The following MANF variants were observed in gnomAD, a reference collection of about 807,000 sequenced individuals.
MANF encodes the protein mesencephalic astrocyte-derived neurotrophic factor.
In MANF, 9 loss-of-function variants were observed where a neutral mutation model predicts 19.1. The ratio of observed to expected loss-of-function variants is 0.47; its 90% CI spans 0.28 to 0.82. MANF has a LOEUF of 0.82. Among genes scored for constraint, MANF ranks in the 40% least tolerant of loss-of-function variants. The probability of loss-of-function intolerance (pLI) is 0.10; values close to 1 mark genes in which losing one functional copy is unlikely to be tolerated. For synonymous variants in MANF, 89 were observed against 88.0 expected (o/e 1.01, Z -0.06); for missense variants, 225 against 226.7 (o/e 0.99, Z 0.05).
In MANF at chr3:51,386,604, G is replaced by A. The variant is rs557636720; in HGVS notation, c.222+269G>A. 3.3e-5 allele frequency among the ~76,000 whole-genome samples: 5 copies of A among 152,286 alleles called. No homozygotes were observed. The East Asian group carries it at 5.8e-4, about 18-fold the overall frequency. The stretch of plus-strand genomic sequence containing the variant: ...ATATCAGGGGAAAGAAGTGACAGTC[G>A]GACACACAAATAATGCAATGTCTGG... On this transcript the variant is annotated intron_variant, in intron 2 of 3. Transcript: ENST00000528157.
At chr3:51,385,799 C>A in intron 1 of MANF, 1 of 281,764 alleles carries the variant, frequency 3.5e-6, no homozygotes, top group East Asian at 6.4e-5. Context: ...CTGTTGGGAT[C>A]ACGAAGCTGC....
intron 2 of MANF, among the ~76,000 whole-genome samples, chr3:51,386,537 G>A (rs1180910662): frequency 1.3e-5 from 2 of 152,134 alleles, no homozygotes; most frequent in East Asian, 3.8e-4. Context: ...TTTTTATCCT[G>A]TTAGTCTTTA....
At chr3:51,386,026 C>T in intron 1 of MANF, 182 bp from the exon 2 acceptor site, 1 of 613,714 alleles carries the variant, frequency 1.6e-6, no homozygotes. Flanking sequence ...TACCAGGGGA[C>T]CCCCGCCACT....
chr3:51,388,161 CAGAG>C (rs1442263036), intron 3 of MANF, among the ~76,000 whole-genome samples: 3 of 152,168 alleles, frequency 2.0e-5, no homozygotes, highest in African/African-American at 7.2e-5. Flanking sequence ...CATGGCAAGT[CAGAG>C]AGCATTGCAG....
At chr3:51,386,773 T>C (rs997795394) in intron 2 of MANF, 3 of 427,362 alleles carry the variant, frequency 7.0e-6, no homozygotes, top group Admixed American at 2.5e-5. Flanking sequence ...GAGTGTGGCA[T>C]GTATGTGGAC....
At chr3:51,385,681 C>T in intron 1 of MANF, 1 of 362,266 alleles carries the variant, frequency 2.8e-6, no homozygotes, top group Middle Eastern at 7.2e-4. Flanking sequence ...AAAACTTGTC[C>T]TGAAATCTCC....
intron 3 of MANF, 80 bp downstream of exon 3, chr3:51,387,958 G>A (rs1182965711): frequency 1.4e-6 from 2 of 1,426,886 alleles, no homozygotes; most frequent in South Asian, 1.2e-5. Context: ...AAAATGATGA[G>A]CTAGAGTCAT....
In MANF at chr3:51,385,422, CG is replaced by C; in HGVS notation, c.83del (p.Gly28AlafsTer34). On this transcript the variant is annotated frameshift_variant, in exon 1 of 4. Coordinates refer to ENST00000528157, the MANE Select transcript of MANF (RefSeq NM_006010.6). LOFTEE classifies it high-confidence loss of function. ...SVLPGSRALR[P>X]GDCEVCISYL... ...CTGCCGGGCAGCCGGGCGCTGCGGC[CG>C]GGCGACTGCGAAGGTGCGGGATAGG... The C allele has an allele frequency of 8.1e-7, 1 of 1,231,950 alleles. No homozygotes were observed. The highest frequency in any genetic ancestry group is 1.0e-6 in the Non-Finnish European group (1 of 986,500). The allele number at this position is 1,231,950 out of a possible 1,614,324, so 76.3% of individuals were successfully genotyped here.
chr3:51,387,470 A>G (rs899356150), intron 2 of MANF, among the ~76,000 whole-genome samples: 1 of 152,052 alleles, frequency 6.6e-6, no homozygotes, highest in African/African-American at 2.4e-5. Context: ...TCAAAAAAAA[A>G]AAAAAATTGT....
In MANF at chr3:51,385,394, G is replaced by C. The variant is rs1050281673; in HGVS notation, c.52G>C (p.Val18Leu). ...QGLAVALALSVLPGSRALRPG... is the reference protein window; with the variant it reads ...QGLAVALALSLLPGSRALRPG... ...GCTGGCGGTGGCGCTGGCTCTGAGC[G>C]TGCTGCCGGGCAGCCGGGCGCTGCG... The change falls in exon 1 of 4, where the codon GTG becomes CTG. Residue 18 changes from valine (V) to leucine (L), a missense_variant. Val to Leu is a conservative substitution (Grantham distance 32). Coordinates refer to ENST00000528157, the MANE Select transcript of MANF (RefSeq NM_006010.6). 13 of 1,238,680 alleles carry C rather than the reference G, an allele frequency of 1.0e-5. No homozygotes were observed. The highest frequency in any genetic ancestry group is 1.3e-5 in the Non-Finnish European group (13 of 989,538). 76.7% of individuals were successfully genotyped at this position (1,238,680 alleles called of 1,614,324 possible). A position where few individuals can be genotyped will look rare whatever the true frequency, so the allele number is the denominator to read the frequency against.
rs375472176 is a variant in MANF at position 51,387,889 on chromosome 3, C to G, written c.364+11C>G. ...GTGAGCTTAAGTATGGTGAGTATGC[C>G]TAGTCCTTTCTTAATGAATGCTGTG... On this transcript the variant is annotated intron_variant, in intron 3 of 3. Transcript: ENST00000528157. 2 of 1,612,526 alleles carry G rather than the reference C, an allele frequency of 1.2e-6. No individual in the cohort carries two copies. Among genetic ancestry groups the G allele is most frequent in the African/African-American group, 2.7e-5 (2 of 74,888 alleles).
In MANF at chr3:51,389,097, A is replaced by G. The variant is rs782524370; in HGVS notation, c.*8A>G. 1 of 1,608,446 alleles carries G rather than the reference A, an allele frequency of 6.2e-7. No homozygotes were observed. The highest frequency in any genetic ancestry group is 1.1e-5 in the South Asian group (1 of 89,650). On this transcript the variant is annotated 3_prime_UTR_variant, in exon 4 of 4. Transcript: ENST00000528157. Reference sequence around the variant, plus strand: ...GCACGGACCGATTTGTAGTCTGCTCAATCTCTGTTGCACCTGAGGGGGAAA... The same window carrying G: ...GCACGGACCGATTTGTAGTCTGCTCGATCTCTGTTGCACCTGAGGGGGAAA...
intron 2 of MANF, 73 bp downstream of exon 2, chr3:51,386,408 A>C: frequency 6.4e-7 from 1 of 1,563,464 alleles, no homozygotes; most frequent in South Asian, 1.1e-5. Context: ...CGTTTGATAA[A>C]AGGCCTTGCC....
intron 2 of MANF, chr3:51,386,951 G>A (rs782502049): frequency 3.1e-4 from 143 of 456,772 alleles, no homozygotes; most frequent in Non-Finnish European, 4.6e-4. Context: ...GTGGCTGTCA[G>A]CTTGGACTGA....
At chr3:51,386,989 C>T in intron 2 of MANF, 1 of 455,942 alleles carries the variant, frequency 2.2e-6, no homozygotes, top group Non-Finnish European at 4.4e-6. Context: ...AGGGTTTACA[C>T]TGGCTGAATC....
At position 51,389,316 on chromosome 3, in the gene MANF, T is replaced by C. The variant is rs2088998346; in HGVS notation, c.*227T>C. The C allele has an allele frequency of 2.2e-6, 1 of 452,148 alleles. No individual in the cohort carries two copies. Among genetic ancestry groups the C allele is most frequent in the African/African-American group, 2.1e-5 (1 of 48,742 alleles). 28.0% of individuals were successfully genotyped at this position (452,148 alleles called of 1,614,324 possible). A position where few individuals can be genotyped will look rare whatever the true frequency, so the allele number is the denominator to read the frequency against. Reference sequence around the variant, plus strand: ...ACTTCAAAGTGTGTCTGGGATTTTTTTATTAAAGAAAAAAAATTTCTAGCT... The same window carrying C: ...ACTTCAAAGTGTGTCTGGGATTTTTCTATTAAAGAAAAAAAATTTCTAGCT... On this transcript the variant is annotated 3_prime_UTR_variant, in exon 4 of 4. Coordinates refer to ENST00000528157, the MANE Select transcript of MANF (RefSeq NM_006010.6).
chr3:51,387,863 T>C lies in MANF; in HGVS notation c.349T>C (p.Cys117Arg). 6.2e-7 allele frequency: 1 copy of C among 1,613,764 alleles called. No homozygotes were observed. Among genetic ancestry groups the C allele is most frequent in the Non-Finnish European group, 8.5e-7 (1 of 1,179,732 alleles). The change falls in exon 3 of 4, where the codon TGT (cysteine) becomes CGT (arginine). Residue 117 changes from cysteine to arginine, a missense_variant. Cys to Arg is a radical substitution (Grantham distance 180, BLOSUM62 -3). Coordinates refer to ENST00000528157, the MANE Select transcript of MANF (RefSeq NM_006010.6). ...EKLKKKDSQI[C>R]ELKYDKQIDL... is the part of the protein sequence containing the mutation. ...GCTTAAGAAGAAGGACAGCCAGATA[T>C]GTGAGCTTAAGTATGGTGAGTATGC...
Position 51,389,218 on chromosome 3 carries a change from T to C in MANF, c.*129T>C. ...CTGTATCAGATGTGAAGCCTGGAGC[T>C]TTCCTGATGATGCTGGCCCTACAGT... On this transcript the variant is annotated 3_prime_UTR_variant, in exon 4 of 4. Coordinates refer to ENST00000528157, the MANE Select transcript of MANF (RefSeq NM_006010.6). 2.6e-6 allele frequency: 2 copies of C among 772,950 alleles called. No individual in the cohort carries two copies. The highest frequency in any genetic ancestry group is 1.9e-5 in the South Asian group (1 of 51,708). The allele number at this position is 772,950 out of a possible 1,614,324, so 47.9% of individuals were successfully genotyped here.
At chr3:51,385,788 TC>T in intron 1 of MANF, 1 of 285,318 alleles carries the variant, frequency 3.5e-6, no homozygotes, top group Non-Finnish European at 6.5e-6. Context: ...CTGCGCCCTG[TC>T]TGTTGGGATC....
Sources: gnomAD v4.1 joint callset for allele counts (sites outside exome capture counted in the v4.1 genomes callset) on GRCh38, gnomAD v4.1.1 for gene constraint, MANE v1.5 for transcripts, NCBI Gene and HGNC (gene_info 2026-07-23, HGNC 2026-07-21) for gene names.